Variants in FHIT observed in about 807,000 individuals in gnomAD.
FHIT encodes the protein bis(5'-adenosyl)-triphosphatase.
FHIT carries 19 observed loss-of-function variants against 17.9 expected under a neutral mutation model. The ratio of observed to expected loss-of-function variants is 1.06; its 90% CI spans 0.74 to 1.56. FHIT has a LOEUF of 1.56. FHIT is among the 40% of genes most tolerant of loss of function. The pLI is 0.00. For synonymous variants in FHIT, 81 were observed against 69.7 expected (o/e 1.16, Z -0.81); for missense variants, 248 against 189.2 (o/e 1.31, Z -1.82).
intron 4 of FHIT, among the ~76,000 whole-genome samples, chr3:60,651,454 T>C (rs1553688258): frequency 1.3e-5 from 2 of 152,012 alleles, no homozygotes; most frequent in Non-Finnish European, 1.5e-5. Context: ...CCATTGGCCA[T>C]TGTGGCCATC....
At chr3:60,865,009 A>G (rs1449517918) in intron 3 of FHIT, among the ~76,000 whole-genome samples, 2 of 152,134 alleles carry the variant, frequency 1.3e-5, no homozygotes, top group Non-Finnish European at 2.9e-5. Context: ...TTAGTTCACA[A>G]TAAAATAGAA....
chr3:60,373,506 G>T (rs548752720), intron 5 of FHIT, among the ~76,000 whole-genome samples: 1 of 152,146 alleles, frequency 6.6e-6, no homozygotes, highest in African/African-American at 2.4e-5. Context: ...GCCATCTTAG[G>T]ACATCAGAAC....
At position 59,931,870 on chromosome 3, in the gene FHIT, G is replaced by A. The variant is rs151211191; in HGVS notation, c.280-9456C>T. Among the ~76,000 whole-genome samples, 91 of 152,096 alleles carry A rather than the reference G, an allele frequency of 6.0e-4. 1 individual carries two copies. The highest frequency in any genetic ancestry group is 4.7e-3 in the East Asian group (24 of 5,156). On this transcript the variant is annotated intron_variant, in intron 7 of 9. Coordinates refer to ENST00000492590, the MANE Select transcript of FHIT (RefSeq NM_002012.4). ...TGCCATACATCATCTAAGCACCATG[G>A]CTTTGATGATGTATTGCTCCAAGCC...
At chr3:60,734,841 A>G (rs1247367211) in intron 4 of FHIT, among the ~76,000 whole-genome samples, 1 of 152,220 alleles carries the variant, frequency 6.6e-6, no homozygotes, top group Non-Finnish European at 1.5e-5. Context: ...CTTTTGTTGC[A>G]CCTTGTAAAA....
chr3:60,239,072 A>G (rs926052878), intron 5 of FHIT, among the ~76,000 whole-genome samples: 3 of 152,294 alleles, frequency 2.0e-5, no homozygotes, highest in South Asian at 2.1e-4. Flanking sequence ...CATTTCAGCC[A>G]TGAGTATTTG....
rs542996007 is a variant in FHIT, at chr3:60,226,239, G to C, written c.104-212087C>G. Among the ~76,000 whole-genome samples the C allele has an allele frequency of 4.7e-3, 711 of 152,192 alleles. 6 individuals carry two copies. The highest frequency in any genetic ancestry group is 5.0e-3 in the Non-Finnish European group (338 of 68,008). On this transcript the variant is annotated intron_variant, in intron 5 of 9. Transcript: ENST00000492590. ...TATAATCCCAGCACTTTGGGAGGCT[G>C]AGGCAGGCAGCCCACCTGAGGTAGA... is the stretch of plus-strand genomic sequence containing the variant.
chr3:61,106,063 T>C (rs2035979816), intron 2 of FHIT, among the ~76,000 whole-genome samples: 2 of 152,202 alleles, frequency 1.3e-5, no homozygotes, highest in Admixed American at 6.5e-5. Flanking sequence ...TTATTAGCAT[T>C]GTATCCTTGG....
intron 5 of FHIT, among the ~76,000 whole-genome samples, chr3:60,396,073 C>T (rs1163222789): frequency 6.6e-6 from 1 of 152,108 alleles, no homozygotes; most frequent in African/African-American, 2.4e-5. Flanking sequence ...GGGGCTGATA[C>T]CGCACTTGCT....
At chr3:60,813,621 AT>A (rs1553736709) in intron 4 of FHIT, among the ~76,000 whole-genome samples, 1 of 151,928 alleles carries the variant, frequency 6.6e-6, no homozygotes. Context: ...CTCCAATTAC[AT>A]TTTTTCACCT....
In FHIT at chr3:61,029,189, A is replaced by G. The variant is rs368476832; in HGVS notation, c.-111+12858T>C. ...AGGGAATGATAAATCAGGCAATATT[A>G]CATATATTCATCAGTACCTTAATTG... On this transcript the variant is annotated intron_variant, in intron 3 of 9. Transcript: ENST00000492590. Among the ~76,000 whole-genome samples the G allele has an allele frequency of 8.6e-4, 131 of 152,346 alleles. 1 individual carries two copies. Among genetic ancestry groups the G allele is most frequent in the Middle Eastern group, 3.4e-3 (1 of 294 alleles).
chr3:60,285,890 T>A (rs965732556), intron 5 of FHIT, among the ~76,000 whole-genome samples: 1 of 152,224 alleles, frequency 6.6e-6, no homozygotes, highest in Admixed American at 6.5e-5. Context: ...TTCTTTATGC[T>A]AGATACATTT....
At chr3:60,398,193 C>G (rs1465884488) in intron 5 of FHIT, among the ~76,000 whole-genome samples, 1 of 152,110 alleles carries the variant, frequency 6.6e-6, no homozygotes, top group Non-Finnish European at 1.5e-5. Context: ...ATAGATCTGG[C>G]AGTACATTAA....
intron 4 of FHIT, among the ~76,000 whole-genome samples, chr3:60,598,171 T>A (rs1384008877): frequency 6.6e-6 from 1 of 152,242 alleles, no homozygotes; most frequent in East Asian, 1.9e-4. Flanking sequence ...AACTTAATAT[T>A]CAGAAACAAG....
intron 2 of FHIT, among the ~76,000 whole-genome samples, chr3:61,194,190 T>C (rs1285771997): frequency 1.3e-5 from 2 of 152,140 alleles, no homozygotes; most frequent in Non-Finnish European, 2.9e-5. Flanking sequence ...GTGACTTTTC[T>C]AGGTTTAATG....
chr3:59,752,191 G>C (rs1218346440), intron 9 of FHIT, 30 bp downstream of exon 9: 1 of 1,517,940 alleles, frequency 6.6e-7, no homozygotes. Flanking sequence ...CCACGGGAGG[G>C]TCTGGGTAAT....
chr3:61,216,944 T>C (rs1032762434), intron 1 of FHIT, among the ~76,000 whole-genome samples: 6 of 133,670 alleles, frequency 4.5e-5, no homozygotes, highest in African/African-American at 1.4e-4. Flanking sequence ...AATTGAGCAA[T>C]GAGAACACAT....
intron 4 of FHIT, among the ~76,000 whole-genome samples, chr3:60,591,472 C>T (rs1169794214): frequency 2.6e-5 from 4 of 152,044 alleles, no homozygotes; most frequent in Non-Finnish European, 5.9e-5. Flanking sequence ...CAAGCAAAGT[C>T]CCCAAAGAAT....
intron 4 of FHIT, among the ~76,000 whole-genome samples, chr3:60,623,711 G>C (rs574888233): frequency 4.6e-5 from 7 of 152,290 alleles, no homozygotes; most frequent in Admixed American, 1.3e-4. Flanking sequence ...ATTGCAGTTA[G>C]AAATGGACTG....
At chr3:60,560,094 C>A (rs549183917) in intron 4 of FHIT, among the ~76,000 whole-genome samples, 1 of 151,932 alleles carries the variant, frequency 6.6e-6, no homozygotes, top group African/African-American at 2.4e-5. Context: ...AAACTGTGCA[C>A]AGTTTCTAAG....
Sources: allele counts gnomAD v4.1 joint callset (sites outside exome capture counted in the v4.1 genomes callset), GRCh38; gene constraint gnomAD v4.1.1; transcripts MANE v1.5; gene names NCBI Gene and HGNC (gene_info 2026-07-23, HGNC 2026-07-21).